Variants in CDH13 observed in about 807,000 individuals in gnomAD.
The protein encoded by CDH13 is cadherin-13.
A neutral mutation model predicts 63.8 loss-of-function variants in CDH13; 24 were observed. The ratio of observed to expected loss-of-function variants is 0.38; its 90% CI spans 0.27 to 0.53. The LOEUF (loss-of-function observed/expected upper bound fraction) is 0.53. Among genes scored for constraint, CDH13 ranks in the 20% least tolerant of loss-of-function variants. The pLI is 0.85. For missense variants in CDH13, 1,049 were observed against 903.1 expected, an observed-to-expected ratio of 1.16 and a Z score of -2.07; for synonymous variants, 503 against 355.3, an observed-to-expected ratio of 1.42 and a Z score of -4.67.
At chr16:83,278,014 C>T (rs918604309) in intron 5 of CDH13, among the ~76,000 whole-genome samples, 1 of 152,096 alleles carries the variant, frequency 6.6e-6, no homozygotes, top group African/African-American at 2.4e-5. Flanking sequence ...ATTATGATTT[C>T]TATTGATAAA....
At chr16:83,761,343 A>G (rs979885363) in intron 11 of CDH13, among the ~76,000 whole-genome samples, 1 of 152,266 alleles carries the variant, frequency 6.6e-6, no homozygotes, top group African/African-American at 2.4e-5. Context: ...AGAATATTCA[A>G]GGTACTTTCT....
At chr16:82,729,895 G>C (rs2033308687) in intron 1 of CDH13, among the ~76,000 whole-genome samples, 1 of 152,194 alleles carries the variant, frequency 6.6e-6, no homozygotes, top group African/African-American at 2.4e-5. Flanking sequence ...AGCTCTTGCT[G>C]CTTCATCTTA....
chr16:83,657,555 T>G (rs908699710), intron 8 of CDH13, among the ~76,000 whole-genome samples: 13 of 152,104 alleles, frequency 8.5e-5, no homozygotes, highest in African/African-American at 3.1e-4. Context: ...ATTTTCTACT[T>G]TACTGAACAG....
At chr16:83,787,352 G>A (rs1379455110) in intron 13 of CDH13, among the ~76,000 whole-genome samples, 3 of 152,036 alleles carry the variant, frequency 2.0e-5, no homozygotes, top group East Asian at 1.9e-4. Flanking sequence ...CTTTAAAAAC[G>A]TGAAAACCCT....
chr16:83,579,469 G>A (rs1905346743), intron 7 of CDH13, among the ~76,000 whole-genome samples: 1 of 152,074 alleles, frequency 6.6e-6, no homozygotes, highest in Non-Finnish European at 1.5e-5. Flanking sequence ...GCTGGAGAAG[G>A]AGGAAGAGAG....
At chr16:82,677,443 T>C (rs1287072278) in intron 1 of CDH13, among the ~76,000 whole-genome samples, 1 of 118,878 alleles carries the variant, frequency 8.4e-6, no homozygotes, top group East Asian at 2.9e-4. Context: ...AGGACTCTTC[T>C]GCCTTTTTTT....
intron 6 of CDH13, among the ~76,000 whole-genome samples, chr16:83,442,359 C>T (rs918865166): frequency 2.0e-5 from 3 of 152,176 alleles, no homozygotes; most frequent in African/African-American, 4.8e-5. Flanking sequence ...TGCCTCCCAC[C>T]TCCATGAGCA....
chr16:82,951,093 G>A (rs1905244851), intron 2 of CDH13, among the ~76,000 whole-genome samples: 1 of 152,148 alleles, frequency 6.6e-6, no homozygotes, highest in Non-Finnish European at 1.5e-5. Context: ...TCAATGGCCA[G>A]GGAGTGAGGG....
chr16:83,142,169 T>TG (rs1183233895), intron 4 of CDH13, among the ~76,000 whole-genome samples: 1 of 149,680 alleles, frequency 6.7e-6, no homozygotes, highest in Non-Finnish European at 1.5e-5. Flanking sequence ...TGTTTTTTTT[T>TG]TTTTTTTTTT....
chr16:83,082,078 G>C (rs1026763454), intron 3 of CDH13, among the ~76,000 whole-genome samples: 4 of 152,138 alleles, frequency 2.6e-5, no homozygotes, highest in African/African-American at 9.7e-5. Flanking sequence ...GGGATTACAG[G>C]CCTGAGCCAC....
chr16:83,708,321 A>G (rs1439713790), intron 10 of CDH13, among the ~76,000 whole-genome samples: 2 of 152,164 alleles, frequency 1.3e-5, no homozygotes, highest in African/African-American at 4.8e-5. Flanking sequence ...TGTGTTTTTC[A>G]TTTGCTTGGG....
In CDH13 at chr16:82,898,344, G is replaced by A. The variant is rs570220924; in HGVS notation, c.157+39871G>A. Among the ~76,000 whole-genome samples the A allele has an allele frequency of 2.0e-5, 3 of 152,224 alleles. No individual in the cohort carries two copies. The South Asian group carries it at 6.2e-4, about 32-fold the overall frequency. On this transcript the variant is annotated intron_variant, in intron 2 of 13. Transcript: ENST00000567109. ...GTCTGAGACCAGCCTGGCCAACATC[G>A]TGAAACCCCGTCTCTACTAAAAATA...
intron 2 of CDH13, among the ~76,000 whole-genome samples, chr16:82,958,868 T>A (rs1159052618): frequency 2.6e-5 from 4 of 152,206 alleles, no homozygotes; most frequent in Non-Finnish European, 5.9e-5. Context: ...CAGCCTGAGG[T>A]CTGAATGGAA....
chr16:83,422,719 T>G (rs1317542966), intron 6 of CDH13, among the ~76,000 whole-genome samples: 1 of 152,186 alleles, frequency 6.6e-6, no homozygotes, highest in East Asian at 1.9e-4. Context: ...TGTGGCCATT[T>G]GCTTGCATGA....
intron 4 of CDH13, among the ~76,000 whole-genome samples, chr16:83,208,070 G>A (rs763377141): frequency 7.2e-5 from 11 of 152,112 alleles, no homozygotes; most frequent in Non-Finnish European, 1.5e-4. Flanking sequence ...GATGATGGGA[G>A]CTCCATTTGA....
intron 3 of CDH13, among the ~76,000 whole-genome samples, chr16:83,118,700 T>G (rs903992344): frequency 4.6e-5 from 7 of 152,154 alleles, no homozygotes; most frequent in Admixed American, 6.5e-5. Context: ...AGCTTCTCAT[T>G]TCATTCTCAT....
intron 5 of CDH13, among the ~76,000 whole-genome samples, chr16:83,301,178 C>G (rs2089732955): frequency 6.6e-6 from 1 of 151,356 alleles, no homozygotes; most frequent in African/African-American, 2.4e-5. Flanking sequence ...ACTACAGGCG[C>G]CCACCACCAC....
Position 83,038,965 on chromosome 16 carries a change from C to G in CDH13, c.366+6747C>G, listed in dbSNP as rs776142684. Among the ~76,000 whole-genome samples, 7 of 152,160 alleles carry G rather than the reference C, an allele frequency of 4.6e-5. 1 individual carries two copies. The highest frequency in any genetic ancestry group is 7.3e-5 in the Non-Finnish European group (5 of 68,038). On this transcript the variant is annotated intron_variant, in intron 3 of 13. Coordinates refer to ENST00000567109, the MANE Select transcript of CDH13 (RefSeq NM_001257.5). ...ATCAAGGGGCTTAGAGGAATTTATT[C>G]TGACATTGGGTTTGGGAACTAAAGA...
chr16:83,435,471 G>A (rs559254658), intron 6 of CDH13, among the ~76,000 whole-genome samples: 1 of 152,148 alleles, frequency 6.6e-6, no homozygotes, highest in Non-Finnish European at 1.5e-5. Flanking sequence ...CTCTGATGTG[G>A]TCCAGCCCTG....
Sources: gnomAD v4.1 joint callset for allele counts (sites outside exome capture counted in the v4.1 genomes callset) on GRCh38, gnomAD v4.1.1 for gene constraint, MANE v1.5 for transcripts, NCBI Gene and HGNC (gene_info 2026-07-23, HGNC 2026-07-21) for gene names.